WWC2: variants seen among roughly 807,000 people sequenced by gnomAD.
The protein encoded by WWC2 is WW and C2 domain containing 2.
Under a neutral mutation model 138.5 loss-of-function variants are expected in WWC2, and 101 were observed. The ratio of observed to expected loss-of-function variants is 0.73; its 90% confidence interval spans 0.62 to 0.86. The LOEUF is 0.86. Ranked by LOEUF, WWC2 falls within the 40% of genes least tolerant of loss-of-function variation. The pLI, the probability that WWC2 is intolerant of heterozygous loss-of-function variation, is 0.00. For synonymous variants in WWC2, 558 were observed against 538.4 expected (o/e 1.04, Z -0.50); for missense variants, 1,420 against 1,419.4 (o/e 1.00, Z -0.01).
In WWC2 at chr4:183,319,407, G is replaced by C; in HGVS notation, c.*3678G>C. ...ACTAGAAGATAAAAATGGTTTACCA[G>C]TCTTGGAAAGAAACTATAGTTTAAT... On this transcript the variant is annotated 3_prime_UTR_variant, in exon 23 of 23. Transcript: ENST00000403733. The C allele has an allele frequency of 1.1e-6, 1 of 878,512 alleles. No homozygotes were observed. Among genetic ancestry groups the C allele is most frequent in the Admixed American group, 2.5e-5 (1 of 40,646 alleles). The allele number at this position is 878,512 out of a possible 1,614,324, so 54.4% of individuals were successfully genotyped here.
chr4:183,121,178 C>G (rs1009454302), intron 1 of WWC2, among the ~76,000 whole-genome samples: 3 of 150,796 alleles, frequency 2.0e-5, no homozygotes, highest in Non-Finnish European at 4.4e-5. Flanking sequence ...GCACTCCATC[C>G]TGGGCAACAG....
At chr4:183,202,820 G>T (rs1430696248) in intron 2 of WWC2, among the ~76,000 whole-genome samples, 2 of 152,196 alleles carry the variant, frequency 1.3e-5, no homozygotes, top group African/African-American at 4.8e-5. Context: ...ATGCTCTCTG[G>T]AGTCAAGGCT....
At chr4:183,274,008 T>C (rs569554509) in intron 16 of WWC2, among the ~76,000 whole-genome samples, 1 of 152,320 alleles carries the variant, frequency 6.6e-6, no homozygotes, top group Non-Finnish European at 1.5e-5. Context: ...CCTTGAATTA[T>C]CTTGGCACCC....
intron 1 of WWC2, among the ~76,000 whole-genome samples, chr4:183,116,599 TG>T (rs1732418265): frequency 6.6e-6 from 1 of 152,240 alleles, no homozygotes; most frequent in Non-Finnish European, 1.5e-5. Flanking sequence ...GCCGCCTCCC[TG>T]GCTTTGGAAG....
intron 21 of WWC2, among the ~76,000 whole-genome samples, chr4:183,304,838 G>A (rs1037334808): frequency 1.3e-5 from 2 of 152,160 alleles, no homozygotes; most frequent in Admixed American, 6.5e-5. Flanking sequence ...AGTATATTAC[G>A]TCTGGGTTTG....
Position 183,319,379 on chromosome 4 carries a change from C to T in WWC2, c.*3650C>T. The T allele has an allele frequency of 1.4e-6, 1 of 696,102 alleles. No homozygotes were observed. The highest frequency in any genetic ancestry group is 2.4e-6 in the Non-Finnish European group (1 of 418,844). 43.1% of individuals were successfully genotyped at this position (696,102 alleles called of 1,614,324 possible). A position where few individuals can be genotyped will look rare whatever the true frequency, so the allele number is the denominator to read the frequency against. ...ATTCAGTCTTGATTGATTTTGGTCT[C>T]AGACTAGAAGATAAAAATGGTTTAC... On this transcript the variant is annotated 3_prime_UTR_variant, in exon 23 of 23. Coordinates refer to ENST00000403733, the MANE Select transcript of WWC2 (RefSeq NM_024949.6).
intron 1 of WWC2, among the ~76,000 whole-genome samples, chr4:183,145,236 TTTAGA>T (rs1733420242): frequency 6.6e-6 from 1 of 152,200 alleles, no homozygotes; most frequent in Non-Finnish European, 1.5e-5. Flanking sequence ...ATTTGTAACA[TTTAGA>T]ATAACAACTG....
intron 5 of WWC2, among the ~76,000 whole-genome samples, chr4:183,244,435 C>G (rs770405919): frequency 5.9e-5 from 9 of 152,120 alleles, no homozygotes; most frequent in Non-Finnish European, 1.3e-4. Context: ...TAAATTAGCT[C>G]ATTGAAGAGC....
At chr4:183,144,634 A>C (rs985298912) in intron 1 of WWC2, among the ~76,000 whole-genome samples, 2 of 152,132 alleles carry the variant, frequency 1.3e-5, no homozygotes, top group African/African-American at 4.8e-5. Flanking sequence ...GACTAATTGA[A>C]ATTTTTGTAG....
intron 1 of WWC2, among the ~76,000 whole-genome samples, chr4:183,137,982 T>G (rs1407901837): frequency 6.6e-6 from 1 of 152,210 alleles, no homozygotes; most frequent in Admixed American, 6.5e-5. Context: ...ACTTTGTATG[T>G]ATTGATCCTT....
intron 1 of WWC2, among the ~76,000 whole-genome samples, chr4:183,143,209 G>A (rs138966361): frequency 8.8e-4 from 134 of 152,206 alleles, no homozygotes; most frequent in African/African-American, 2.9e-3. Context: ...GGTGACTCAA[G>A]CATGGCCTTG....
intron 4 of WWC2, among the ~76,000 whole-genome samples, chr4:183,219,208 A>C (rs1735851867): frequency 6.6e-6 from 1 of 152,164 alleles, no homozygotes; most frequent in South Asian, 2.1e-4. Context: ...GTTACTGTTT[A>C]ATAGGGACAG....
At chr4:183,173,929 G>A (rs1734372578) in intron 1 of WWC2, among the ~76,000 whole-genome samples, 1 of 152,192 alleles carries the variant, frequency 6.6e-6, no homozygotes, top group African/African-American at 2.4e-5. Flanking sequence ...AGTGGGTGGG[G>A]TAGTCATATG....
intron 1 of WWC2, among the ~76,000 whole-genome samples, chr4:183,135,982 T>TCTTCC (rs1733100852): frequency 1.3e-5 from 2 of 152,032 alleles, no homozygotes. Flanking sequence ...TCTTTTCTTC[T>TCTTCC]CTTCCCCTTT....
intron 21 of WWC2, among the ~76,000 whole-genome samples, chr4:183,292,901 T>C (rs1311170165): frequency 1.3e-5 from 2 of 152,244 alleles, no homozygotes; most frequent in Non-Finnish European, 2.9e-5. Context: ...CAACACTGTA[T>C]TAAAAAGATT....
intron 5 of WWC2, among the ~76,000 whole-genome samples, chr4:183,242,222 C>A (rs947529162): frequency 2.6e-5 from 4 of 152,176 alleles, no homozygotes; most frequent in African/African-American, 9.7e-5. Flanking sequence ...TCAAACCCAG[C>A]AGCCAGACTT....
In WWC2 at chr4:183,265,114, A is replaced by T. The variant is rs542968036; in HGVS notation, c.2039+7A>T. ...ATGAAGCTTTCGTGAAACAGTAAGG[A>T]TTCAGCAGGGGCGCTTTTAGCTCCA... On this transcript the variant is annotated splice_region_variant and intron_variant, in intron 12 of 22. Transcript: ENST00000403733. The T allele has an allele frequency of 6.9e-5, 110 of 1,600,718 alleles. No homozygotes were observed. In the South Asian group the frequency reaches 1.2e-3, roughly 17 times the overall value.
intron 6 of WWC2, among the ~76,000 whole-genome samples, chr4:183,247,623 C>A (rs910309270): frequency 2.2e-4 from 28 of 126,990 alleles, no homozygotes; most frequent in African/African-American, 8.9e-4. Context: ...ACTATATATA[C>A]TATATACTAT....
intron 1 of WWC2, among the ~76,000 whole-genome samples, chr4:183,133,037 C>CTTTTCCCTTCCCTTTTTTTCCTTTTT (rs1732979474): frequency 7.2e-6 from 1 of 138,184 alleles, no homozygotes; most frequent in African/African-American, 3.0e-5. Context: ...TTTTCCTTTT[C>CTTTTCCCTTCCCTTTTTTTCCTTTTT]TTTTCCCTTC....
Sources: gnomAD v4.1 joint callset for allele counts (sites outside exome capture counted in the v4.1 genomes callset) on GRCh38, gnomAD v4.1.1 for gene constraint, MANE v1.5 for transcripts, NCBI Gene and HGNC (gene_info 2026-07-23, HGNC 2026-07-21) for gene names.